NUP160: variants seen among roughly 807,000 people sequenced by gnomAD.
The protein encoded by NUP160 is nucleoporin 160.
In NUP160, 94 loss-of-function variants were observed where a neutral mutation model predicts 196.9. The observed-to-expected ratio is 0.48, with a 90% CI of 0.40 to 0.57. NUP160 has a LOEUF of 0.57. NUP160 is among the 20% of genes least tolerant of loss of function. NUP160 has a pLI of 0.00. For missense variants in NUP160, 1,638 were observed against 1,748.3 expected (o/e 0.94, Z 1.13); for synonymous variants, 605 against 619.7 (o/e 0.98, Z 0.35).
chr11:47,778,331 A>G (rs2135333523), exon 36 of NUP160: 1 of 152,700 alleles, frequency 6.5e-6, no homozygotes, highest in Non-Finnish European at 1.5e-5. Context: ...TCTAAATCTG[A>G]CCAATGAAGT....
intron 15 of NUP160, 52 bp from the exon 16 acceptor site, chr11:47,812,481 G>A (rs575199346): frequency 5.3e-5 from 81 of 1,534,060 alleles, no homozygotes; most frequent in Non-Finnish European, 6.8e-5. Context: ...CGTAAGGCAA[G>A]TTCTATATGT....
chr11:47,784,995 T>C (rs1198667831), exon 33 of NUP160: 1 of 1,603,682 alleles, frequency 6.2e-7, no homozygotes, highest in Non-Finnish European at 8.5e-7. Flanking sequence ...ACAGTGGTGA[T>C]ACAAGTTATT....
chr11:47,842,081 A>T (rs1228473246), intron 2 of NUP160, among the ~76,000 whole-genome samples: 1 of 152,046 alleles, frequency 6.6e-6, no homozygotes, highest in Non-Finnish European at 1.5e-5. Context: ...TCTTAGCAGC[A>T]TTCCACATAT....
In NUP160 at chr11:47,815,763, C is replaced by T. The variant is rs2097684076; in HGVS notation, c.1516-114G>A. 4 of 1,001,702 alleles carry T rather than the reference C, an allele frequency of 4.0e-6. No individual in the cohort carries two copies. In the South Asian group the frequency reaches 4.9e-5, roughly 12 times the overall value. 62.1% of individuals were successfully genotyped at this position (1,001,702 alleles called of 1,614,324 possible). ...CTAAGCTACAGCCAAATGAATATTC[C>T]TTACGTATTAAAGGCCATAGACTAT... On this transcript the variant is annotated intron_variant, in intron 12 of 35. Coordinates refer to ENST00000378460, the Ensembl canonical transcript of NUP160.
intron 12 of NUP160, 36 bp downstream of exon 12, chr11:47,815,910 G>C (rs905517730): frequency 4.7e-6 from 7 of 1,502,440 alleles, no homozygotes; most frequent in African/African-American, 4.1e-5. Flanking sequence ...TATCAAGATG[G>C]AAGGAATTCT....
intron 27 of NUP160, among the ~76,000 whole-genome samples, chr11:47,794,734 AC>A (rs915772757): frequency 6.6e-6 from 1 of 151,938 alleles, no homozygotes; most frequent in Non-Finnish European, 1.5e-5. Flanking sequence ...ACATGGTGAA[AC>A]CCTCTCTCTA....
chr11:47,847,899 T>C (rs1316517925), exon 2 of NUP160: 2 of 1,614,178 alleles, frequency 1.2e-6, no homozygotes, highest in Non-Finnish European at 1.7e-6. Flanking sequence ...ACTCTCCACG[T>C]AGTAAAAGCC....
At chr11:47,801,256 T>C (rs1487479560) in intron 23 of NUP160, among the ~76,000 whole-genome samples, 1 of 152,202 alleles carries the variant, frequency 6.6e-6, no homozygotes, top group Non-Finnish European at 1.5e-5. Context: ...TGACGAAAAT[T>C]TCATTTCAGT....
At chr11:47,835,577 T>C in intron 7 of NUP160, 74 bp downstream of exon 7, 1 of 1,268,896 alleles carries the variant, frequency 7.9e-7, no homozygotes, top group Admixed American at 2.7e-5. Flanking sequence ...TTGAACAGAC[T>C]CACTGAGTCT....
chr11:47,792,257 GAGTTATATATAAC>G (rs1428514377), intron 28 of NUP160: 8 of 376,774 alleles, frequency 2.1e-5, no homozygotes, highest in East Asian at 1.0e-4. Context: ...CTCGGCTCCA[GAGTTATATATAAC>G]AGAAACAGCT....
At chr11:47,829,496 G>A (rs1852034195) in intron 7 of NUP160, among the ~76,000 whole-genome samples, 1 of 152,030 alleles carries the variant, frequency 6.6e-6, no homozygotes, top group Admixed American at 6.6e-5. Context: ...TATTAGAGAT[G>A]GGGTTTCACC....
At chr11:47,848,301 G>T (rs375040304) in exon 1 of NUP160, 4 of 1,613,746 alleles carry the variant, frequency 2.5e-6, no homozygotes, top group South Asian at 1.1e-5. Context: ...TCCGTTCCAG[G>T]GCTCCCGCCG....
chr11:47,791,778 TTG>T, intron 29 of NUP160, 150 bp downstream of exon 29: 1 of 569,360 alleles, frequency 1.8e-6, no homozygotes, highest in Non-Finnish European at 3.1e-6. Flanking sequence ...CAGTTAAAAC[TTG>T]TGTTTTACAA....
In NUP160 at chr11:47,813,422, A is replaced by G. The variant is rs373804147; in HGVS notation, c.1687-7T>C. 1 of 1,574,028 alleles carries G rather than the reference A, an allele frequency of 6.4e-7. No individual in the cohort carries two copies. The highest frequency in any genetic ancestry group is 1.4e-5 in the African/African-American group (1 of 74,054). On this transcript the variant is annotated splice_polypyrimidine_tract_variant and splice_region_variant and intron_variant, in intron 13 of 35. Coordinates refer to ENST00000378460, the Ensembl canonical transcript of NUP160. Reference sequence around the variant, plus strand: ...TAAGGAAAGACAGGTACCCCTGGAAATACAAATTTTCCAGTTACATTTTTG... The same window carrying G: ...TAAGGAAAGACAGGTACCCCTGGAAGTACAAATTTTCCAGTTACATTTTTG...
chr11:47,841,204 CT>C lies in NUP160; in HGVS notation c.315-617del, dbSNP rs1300196131. 2.2e-5 allele frequency: 4 copies of C among 181,732 alleles called. No homozygotes were observed. The Admixed American group carries it at 2.4e-4, about 11-fold the overall frequency. 11.3% of individuals were successfully genotyped at this position (181,732 alleles called of 1,614,324 possible). ...AAGGAGCTTGTTTATTTATTTTTTT[CT>C]TTTTTCCCCCACCCTCCCCAAAAGG... is the stretch of plus-strand genomic sequence containing the variant. On this transcript the variant is annotated intron_variant, in intron 2 of 35. Coordinates refer to ENST00000378460, the Ensembl canonical transcript of NUP160.
intron 5 of NUP160, 129 bp downstream of exon 5, chr11:47,837,416 T>C: frequency 1.4e-6 from 1 of 716,654 alleles, no homozygotes; most frequent in East Asian, 2.6e-5. Context: ...TGGAATTTAA[T>C]GTTATTCTGA....
At chr11:47,783,341 T>C in intron 33 of NUP160, 143 bp from the exon 34 acceptor site, 3 of 1,080,308 alleles carry the variant, frequency 2.8e-6, no homozygotes, top group Non-Finnish European at 3.8e-6. Flanking sequence ...ATCTGTATCT[T>C]AGGATAAGAG....
rs539266425 is a variant in NUP160 at position 47,798,884 on chromosome 11, G to A, written c.2896-421C>T. Among the ~76,000 whole-genome samples, 34 of 150,612 alleles carry A rather than the reference G, an allele frequency of 2.3e-4. 1 individual carries two copies. The South Asian group carries it at 7.2e-3, about 32-fold the overall frequency. ...CTCCGTAAATACTTGTTGAGGCTGG[G>A]TCTGGTGGCTCACACCTGTCATTCT... On this transcript the variant is annotated intron_variant, in intron 23 of 35. Transcript: ENST00000378460.
chr11:47,814,747 A>G (rs548306515), intron 13 of NUP160, among the ~76,000 whole-genome samples: 2 of 152,294 alleles, frequency 1.3e-5, no homozygotes, highest in Non-Finnish European at 2.9e-5. Context: ...ATGCTGAAAT[A>G]TTTAAGGATA....
Sources: gnomAD v4.1 joint callset for allele counts (sites outside exome capture counted in the v4.1 genomes callset) on GRCh38, gnomAD v4.1.1 for gene constraint, MANE v1.5 for transcripts, NCBI Gene and HGNC (gene_info 2026-07-23, HGNC 2026-07-21) for gene names.